The following ZNF407 variants were observed in gnomAD, a reference collection of about 807,000 sequenced individuals.
The protein encoded by ZNF407 is zinc finger protein 407.
ZNF407 carries 17 observed loss-of-function variants against 131.2 expected under a neutral mutation model. The ratio of observed to expected loss-of-function variants is 0.13; its 90% CI spans 0.09 to 0.19. The LOEUF (loss-of-function observed/expected upper bound fraction) is 0.19. Ranked by LOEUF, ZNF407 falls within the 10% of genes least tolerant of loss-of-function variation. The pLI is 1.00. For missense variants in ZNF407, 2,681 were observed against 2,830.6 expected, an observed-to-expected ratio of 0.95 and a Z score of 1.20; for synonymous variants, 1,156 against 1,062.0, an observed-to-expected ratio of 1.09 and a Z score of -1.72.
chr18:74,990,296 A>G (rs909156262), intron 8 of ZNF407, among the ~76,000 whole-genome samples: 2 of 152,188 alleles, frequency 1.3e-5, no homozygotes, highest in Non-Finnish European at 2.9e-5. Flanking sequence ...CCCTAGCTCA[A>G]CCAAGTTTAC....
intron 3 of ZNF407, among the ~76,000 whole-genome samples, chr18:74,773,351 T>C: frequency 6.8e-6 from 1 of 147,102 alleles, no homozygotes. Context: ...TTTGGAACTA[T>C]CAGTAGAAGC....
At chr18:74,638,667 C>T (rs1250197384) in intron 2 of ZNF407, among the ~76,000 whole-genome samples, 5 of 152,046 alleles carry the variant, frequency 3.3e-5, no homozygotes, top group Non-Finnish European at 7.4e-5. Flanking sequence ...TTTAGTTTTT[C>T]CCTTTGAAAA....
rs1972712478 is a variant in ZNF407 at position 74,991,036 on chromosome 18, GGGGCATTA to G, written c.5428+70346_5428+70353del. On this transcript the variant is annotated intron_variant, in intron 8 of 8. Transcript: ENST00000299687. Reference sequence around the variant, plus strand: ...AGAGGAAAAAACTGGCATACACCCAGGGGCATTAGCATATGAAACCATTGTCTGATGTG... The same window carrying G: ...AGAGGAAAAAACTGGCATACACCCAGGCATATGAAACCATTGTCTGATGTG... Among the ~76,000 whole-genome samples, 5 of 152,206 alleles carry G rather than the reference GGGGCATTA, an allele frequency of 3.3e-5. No homozygotes were observed. The South Asian group carries it at 1.0e-3, about 32-fold the overall frequency.
intron 8 of ZNF407, among the ~76,000 whole-genome samples, chr18:74,938,104 G>T (rs141408794): frequency 1.3e-5 from 2 of 152,074 alleles, no homozygotes; most frequent in African/African-American, 4.8e-5. Context: ...TTATGAGCGG[G>T]CCCCATAAAA....
chr18:74,705,866 A>G (rs1017826116), intron 3 of ZNF407, among the ~76,000 whole-genome samples: 2 of 152,330 alleles, frequency 1.3e-5, no homozygotes, highest in East Asian at 3.9e-4. Context: ...TATGGTTACT[A>G]TGTATAGATC....
chr18:74,769,009 T>TTGTAGAAG (rs1969305200), intron 3 of ZNF407, among the ~76,000 whole-genome samples: 1 of 152,174 alleles, frequency 6.6e-6, no homozygotes, highest in African/African-American at 2.4e-5. Context: ...GTCGTCATTG[T>TTGTAGAAG]CATCATTATC....
intron 3 of ZNF407, among the ~76,000 whole-genome samples, chr18:74,755,775 C>CTTTCTTTCTTTCTTTCTTTCTTTCTT (rs1454993539): frequency 6.7e-5 from 1 of 15,018 alleles, no homozygotes; most frequent in African/African-American, 1.3e-4. Flanking sequence ...CTTTCTTTCT[C>CTTTCTTTCTTTCTTTCTTTCTTTCTT]TCTCTCTCTT....
At chr18:74,827,911 A>G (rs1031052641) in intron 4 of ZNF407, among the ~76,000 whole-genome samples, 1 of 152,192 alleles carries the variant, frequency 6.6e-6, no homozygotes, top group Non-Finnish European at 1.5e-5. Context: ...ATGTTTGTTC[A>G]TACCTCCCTT....
intron 4 of ZNF407, among the ~76,000 whole-genome samples, chr18:74,803,114 C>T (rs536522125): frequency 6.6e-6 from 1 of 152,058 alleles, no homozygotes. Flanking sequence ...GCGTTACCAC[C>T]CCCTTAGCCA....
intron 1 of ZNF407, among the ~76,000 whole-genome samples, chr18:74,623,113 CGT>C (rs1204607168): frequency 2.1e-5 from 3 of 144,556 alleles, no homozygotes; most frequent in Admixed American, 6.9e-5. Context: ...TATCTGAGTG[CGT>C]GTCAGTGTGA....
intron 3 of ZNF407, among the ~76,000 whole-genome samples, chr18:74,725,801 A>C (rs1246306193): frequency 2.6e-5 from 4 of 152,198 alleles, no homozygotes; most frequent in Admixed American, 6.5e-5. Flanking sequence ...AAAGATATTT[A>C]TAATATATTA....
intron 4 of ZNF407, among the ~76,000 whole-genome samples, chr18:74,808,087 C>T (rs1226774738): frequency 6.6e-6 from 1 of 152,052 alleles, no homozygotes; most frequent in African/African-American, 2.4e-5. Flanking sequence ...GATCTCGGCA[C>T]ACCGCAACTT....
intron 8 of ZNF407, among the ~76,000 whole-genome samples, chr18:74,989,093 AG>A (rs767154481): frequency 1.3e-5 from 2 of 152,246 alleles, no homozygotes; most frequent in Non-Finnish European, 2.9e-5. Flanking sequence ...TCAAAAGATA[AG>A]TAAATAAACA....
chr18:75,063,920 G>A lies in ZNF407; in HGVS notation c.6199G>A (p.Ala2067Thr). ...GGTGGTCCATCCCTCAGCAGCCATG[G>A]CCTCTCAGGAGCGGGCACAGGTGGC... ...TQVVHPSAAMASQERAQVAFK... is the reference protein window; with the variant it reads ...TQVVHPSAAMTSQERAQVAFK... Residue 2067 changes from alanine (A) to threonine (T), a missense_variant, in exon 9 of 9, where the codon GCC becomes ACC. Ala to Thr is a moderately conservative substitution (Grantham distance 58). Transcript: ENST00000299687. The surrounding 1 kb of genome is among the most constrained non-coding windows in gnomAD (Gnocchi z 6.6). 6.2e-7 allele frequency: 1 copy of A among 1,613,734 alleles called. No individual in the cohort carries two copies. The highest frequency in any genetic ancestry group is 8.5e-7 in the Non-Finnish European group (1 of 1,179,860).
At chr18:74,846,221 A>G (rs963604685) in intron 4 of ZNF407, among the ~76,000 whole-genome samples, 2 of 152,240 alleles carry the variant, frequency 1.3e-5, no homozygotes, top group African/African-American at 2.4e-5. Flanking sequence ...TTGATATTCA[A>G]TCATTTTATA....
intron 4 of ZNF407, among the ~76,000 whole-genome samples, chr18:74,831,824 T>A (rs1970488244): frequency 6.6e-6 from 1 of 152,180 alleles, no homozygotes; most frequent in Non-Finnish European, 1.5e-5. Context: ...CCACCCCTGC[T>A]GTGTGTCACC....
At chr18:74,685,316 G>GT (rs1967071851) in intron 3 of ZNF407, among the ~76,000 whole-genome samples, 1 of 152,116 alleles carries the variant, frequency 6.6e-6, no homozygotes. Flanking sequence ...ATGTGGTTAT[G>GT]TGTTCATCTG....
intron 8 of ZNF407, among the ~76,000 whole-genome samples, chr18:74,947,354 T>TTTTCCA (rs1230353794): frequency 6.6e-6 from 1 of 152,146 alleles, no homozygotes; most frequent in East Asian, 1.9e-4. Context: ...GTTCATGATG[T>TTTTCCA]TTTCCATGCC....
intron 7 of ZNF407, among the ~76,000 whole-genome samples, chr18:74,905,040 G>GCAGCA (rs1971577244): frequency 6.6e-6 from 1 of 152,122 alleles, no homozygotes; most frequent in Admixed American, 6.5e-5. Context: ...TTTCTTTTAT[G>GCAGCA]CAGTACAGCA....
Sources: gnomAD v4.1 joint callset for allele counts (sites outside exome capture counted in the v4.1 genomes callset) on GRCh38, gnomAD v4.1.1 for gene constraint, Gnocchi (gnomAD v3.1) non-coding constraint, MANE v1.5 for transcripts, NCBI Gene and HGNC (gene_info 2026-07-23, HGNC 2026-07-21) for gene names.